FNDC3B: variants seen among roughly 807,000 people sequenced by gnomAD.
FNDC3B encodes the protein fibronectin type III domain containing 3B.
FNDC3B carries 12 observed loss-of-function variants against 151.5 expected under a neutral mutation model. That is an observed-to-expected ratio of 0.08 (90% CI 0.05 to 0.13). The LOEUF is 0.13. Among genes scored for constraint, FNDC3B ranks in the 10% least tolerant of loss-of-function variants. The pLI, the probability that FNDC3B is intolerant of heterozygous loss-of-function variation, is 1.00. For synonymous variants in FNDC3B, 528 were observed against 549.0 expected (o/e 0.96, Z 0.54); for missense variants, 1,214 against 1,505.3 (o/e 0.81, Z 3.20).
intron 5 of FNDC3B, among the ~76,000 whole-genome samples, chr3:172,249,242 T>C (rs1253842442): frequency 6.6e-6 from 1 of 152,208 alleles, no homozygotes; most frequent in African/African-American, 2.4e-5. Context: ...GGTATATGTC[T>C]GACTTGCCTT....
intron 25 of FNDC3B, among the ~76,000 whole-genome samples, chr3:172,389,230 A>T (rs796710758): frequency 3.9e-5 from 6 of 152,356 alleles, no homozygotes; most frequent in African/African-American, 9.6e-5. Flanking sequence ...TCCACATGCA[A>T]CCATTTAGTT....
intron 1 of FNDC3B, among the ~76,000 whole-genome samples, chr3:172,076,423 C>G (rs1222626921): frequency 6.6e-6 from 1 of 152,176 alleles, no homozygotes; most frequent in Non-Finnish European, 1.5e-5. Flanking sequence ...AGCGCTCAGT[C>G]ATAGATATTC....
intron 19 of FNDC3B, 25 bp downstream of exon 19, chr3:172,344,283 A>G: frequency 6.3e-7 from 1 of 1,575,948 alleles, no homozygotes; most frequent in Non-Finnish European, 8.6e-7. Context: ...ATACACCATA[A>G]CCAGAATCAG....
At chr3:172,388,479 A>G (rs1184941013) in intron 25 of FNDC3B, among the ~76,000 whole-genome samples, 3 of 152,180 alleles carry the variant, frequency 2.0e-5, no homozygotes, top group Non-Finnish European at 2.9e-5. Flanking sequence ...AAAATCTCAA[A>G]TGGAGCCATG....
At chr3:172,147,956 T>C (rs1237264330) in intron 3 of FNDC3B, among the ~76,000 whole-genome samples, 1 of 152,142 alleles carries the variant, frequency 6.6e-6, no homozygotes, top group African/African-American at 2.4e-5. Flanking sequence ...AGCTCAAAGA[T>C]AGAATTTTTT....
chr3:172,171,268 C>G (rs1394945830), intron 3 of FNDC3B, among the ~76,000 whole-genome samples: 1 of 151,996 alleles, frequency 6.6e-6, no homozygotes, highest in African/African-American at 2.4e-5. Context: ...TTAAAAACAC[C>G]TGGTTCAAAA....
rs1457700751 is a variant in FNDC3B at position 172,307,435 on chromosome 3, A to G, written c.1134A>G (p.Ala378=). The G allele has an allele frequency of 1.2e-6, 2 of 1,614,120 alleles. No individual in the cohort carries two copies. The highest frequency in any genetic ancestry group is 1.1e-5 in the South Asian group (1 of 91,086). The part of the protein sequence containing the change: ...EPVSFTTHSC[A]PECPFPPKLA... ...TTAGCTTCACCACCCACAGCTGTGCACCCGAGTGTCCTTTCCCCCCTAAGC... is the reference window on the plus strand; with the variant it reads ...TTAGCTTCACCACCCACAGCTGTGCGCCCGAGTGTCCTTTCCCCCCTAAGC... The change falls in exon 10 of 26, where the codon GCA becomes GCG. Residue 378 remains alanine (A), a synonymous_variant. Transcript: ENST00000415807.
At chr3:172,197,904 C>T (rs1724920808) in intron 3 of FNDC3B, among the ~76,000 whole-genome samples, 1 of 152,136 alleles carries the variant, frequency 6.6e-6, no homozygotes, top group African/African-American at 2.4e-5. Flanking sequence ...TGTAGAAGTC[C>T]TAATTTTCCC....
chr3:172,290,356 A>G (rs1730262608), intron 7 of FNDC3B, among the ~76,000 whole-genome samples: 1 of 152,168 alleles, frequency 6.6e-6, no homozygotes, highest in Non-Finnish European at 1.5e-5. Context: ...TATACTAGGT[A>G]TTTATCTTGG....
intron 3 of FNDC3B, among the ~76,000 whole-genome samples, chr3:172,168,307 C>T (rs945307928): frequency 6.6e-6 from 1 of 152,206 alleles, no homozygotes; most frequent in African/African-American, 2.4e-5. Flanking sequence ...TCCTACTCAT[C>T]TTATAAAAAG....
Position 172,112,586 on chromosome 3 carries a change from A to T in FNDC3B, c.107A>T (p.Gln36Leu). The change falls in exon 2 of 26, where the codon CAG becomes CTG. Residue 36 changes from glutamine to leucine, a missense_variant. Gln to Leu is a moderately radical substitution (Grantham distance 113, BLOSUM62 -2). This residue lies in a region of FNDC3B where 113 missense variants were observed against 177.8 expected (regional missense o/e 0.64). Transcript: ENST00000415807. ...MPHLVNGDAA[Q>L]QVILVQVNPG... Reference sequence around the variant, plus strand: ...CACTTGGTGAATGGAGATGCAGCTCAGCAGGTTGGTGTAGGAAGAGGGAAA... The same window carrying T: ...CACTTGGTGAATGGAGATGCAGCTCTGCAGGTTGGTGTAGGAAGAGGGAAA... 3.7e-6 allele frequency: 6 copies of T among 1,608,348 alleles called. No individual in the cohort carries two copies. The highest frequency in any genetic ancestry group is 5.1e-6 in the Non-Finnish European group (6 of 1,174,670).
chr3:172,075,900 C>T (rs1379067963), intron 1 of FNDC3B, among the ~76,000 whole-genome samples: 1 of 152,072 alleles, frequency 6.6e-6, no homozygotes, highest in Non-Finnish European at 1.5e-5. Flanking sequence ...TTATGTGACC[C>T]AAGAATGGGT....
At chr3:172,197,942 T>C (rs1724922358) in intron 3 of FNDC3B, among the ~76,000 whole-genome samples, 1 of 152,230 alleles carries the variant, frequency 6.6e-6, no homozygotes, top group Non-Finnish European at 1.5e-5. Flanking sequence ...TTTTGTAAGG[T>C]GGTAGTTCAA....
chr3:172,382,583 C>T (rs149972330), intron 25 of FNDC3B, among the ~76,000 whole-genome samples: 1,615 of 152,156 alleles, frequency 0.011, 29 homozygotes, highest in African/African-American at 0.036. Context: ...TTTTCTTCTA[C>T]GGTTTTTATG....
chr3:172,058,180 A>AATC (rs1458939758), intron 1 of FNDC3B, among the ~76,000 whole-genome samples: 1 of 152,202 alleles, frequency 6.6e-6, no homozygotes, highest in African/African-American at 2.4e-5. Flanking sequence ...AACTTGCTTG[A>AATC]AGGAGGGCTT....
chr3:172,149,281 A>T (rs541958518), intron 3 of FNDC3B, among the ~76,000 whole-genome samples: 1 of 152,316 alleles, frequency 6.6e-6, no homozygotes, highest in East Asian at 1.9e-4. Context: ...CTAGATTCTT[A>T]AATTTTCTCT....
chr3:172,098,141 G>A (rs1719182606), intron 1 of FNDC3B, among the ~76,000 whole-genome samples: 2 of 152,108 alleles, frequency 1.3e-5, no homozygotes. Context: ...TTCTTGTACA[G>A]GTTGGGAAGT....
intron 13 of FNDC3B, 105 bp from the exon 14 acceptor site, chr3:172,332,984 T>G: frequency 1.3e-6 from 1 of 789,176 alleles, no homozygotes; most frequent in South Asian, 1.4e-5. Flanking sequence ...CTCTGGCCAG[T>G]TGCTGGTGAT....
At chr3:172,136,588 A>T (rs1559983038) in intron 3 of FNDC3B, among the ~76,000 whole-genome samples, 1 of 152,168 alleles carries the variant, frequency 6.6e-6, no homozygotes, top group Non-Finnish European at 1.5e-5. Flanking sequence ...ACCTATTAGG[A>T]AGGAATCTGA....
Sources: allele counts gnomAD v4.1 joint callset (sites outside exome capture counted in the v4.1 genomes callset), GRCh38; gene constraint gnomAD v4.1.1; regional missense constraint gnomAD v4.1.1; transcripts MANE v1.5; gene names NCBI Gene and HGNC (gene_info 2026-07-23, HGNC 2026-07-21).